RALGDS: variants seen among roughly 807,000 people sequenced by gnomAD.
RALGDS encodes the protein ral guanine nucleotide dissociation stimulator, also known as ral guanine nucleotide exchange factor.
A neutral mutation model predicts 99.8 loss-of-function variants in RALGDS; 44 were observed. That is an observed-to-expected ratio of 0.44 (90% CI 0.35 to 0.57). The LOEUF (loss-of-function observed/expected upper bound fraction) is 0.57, where lower values mean the gene tolerates loss of function less well. RALGDS is among the 20% of genes least tolerant of loss of function. The pLI, the probability that RALGDS is intolerant of heterozygous loss-of-function variation, is 0.01. For missense variants in RALGDS, 1,022 were observed against 1,203.1 expected (o/e 0.85, Z 2.23); for synonymous variants, 529 against 505.0 (o/e 1.05, Z -0.64).
intron 1 of RALGDS, among the ~76,000 whole-genome samples, chr9:133,143,530 G>T (rs990315547): frequency 1.3e-5 from 2 of 151,988 alleles, no homozygotes; most frequent in East Asian, 3.9e-4. Flanking sequence ...CGAGGCGGGG[G>T]GAATCCCTTG....
In RALGDS at chr9:133,137,000, C is replaced by T. The variant is rs138006743; in HGVS notation, c.18+11963G>A. 9.5e-3 allele frequency among the ~76,000 whole-genome samples: 1,444 copies of T among 152,004 alleles called. 21 individuals carry two copies. The highest frequency in any genetic ancestry group is 0.033 in the African/African-American group (1,363 of 41,426). The stretch of plus-strand genomic sequence containing the variant: ...CTGTAATCCCAGCACTTTGGGAGGC[C>T]GAGGCGGGCGGATCACTTGAGCTCA... On this transcript the variant is annotated intron_variant, in intron 1 of 17. Coordinates refer to the RALGDS transcript ENST00000393160.
rs560807938 is a variant in RALGDS, at chr9:133,138,622, G to A, written c.18+10341C>T. On this transcript the variant is annotated intron_variant, in intron 1 of 17. Transcript: ENST00000393160. ...GACACTCAGCCCTCCTCATGGTCAC[G>A]GCTCCGGCCTGGGCCTGGTGCTTTG... Among the ~76,000 whole-genome samples the A allele has an allele frequency of 1.1e-4, 16 of 152,278 alleles. No individual in the cohort carries two copies. The Middle Eastern group carries it at 0.017, about 162-fold the overall frequency.
In RALGDS at chr9:133,108,664, C is replaced by A; in HGVS notation, c.778+9G>T. 2 of 1,613,076 alleles carry A rather than the reference C, an allele frequency of 1.2e-6. No homozygotes were observed. Among genetic ancestry groups the A allele is most frequent in the South Asian group, 1.1e-5 (1 of 91,018 alleles). The stretch of plus-strand genomic sequence containing the variant: ...TTCACCCTCTGGCACCCACCCCAGT[C>A]CTCCTCACCCTCAGGCTCTGCCTCA... On this transcript the variant is annotated intron_variant, in intron 5 of 17. Coordinates refer to ENST00000372050, the MANE Select transcript of RALGDS (RefSeq NM_006266.4).
rs376372417 is a variant in RALGDS at position 133,109,732 on chromosome 9, C to T, written c.489-11G>A. 137 of 1,608,658 alleles carry T rather than the reference C, an allele frequency of 8.5e-5. No homozygotes were observed. The highest frequency in any genetic ancestry group is 1.0e-4 in the Non-Finnish European group (120 of 1,175,416). ...TCACATCTACCGTACCTGCTTATGA[C>T]GTCTAGTGTTACTGTCTGACTCTCC... On this transcript the variant is annotated splice_polypyrimidine_tract_variant and intron_variant, in intron 3 of 17. Coordinates refer to ENST00000372050, the MANE Select transcript of RALGDS (RefSeq NM_006266.4).
Position 133,102,170 on chromosome 9 carries a change from C to T in RALGDS, c.2010-31G>A. The T allele has an allele frequency of 4.5e-6, 7 of 1,548,712 alleles. No homozygotes were observed. In the South Asian group the frequency reaches 5.9e-5, roughly 13 times the overall value. ...TGAAGAGTTGGCTTAGTTAAGGGGG[C>T]TCCCCAAGGACACATCCCAACCCCA... On this transcript the variant is annotated intron_variant, in intron 14 of 17. Transcript: ENST00000372050.
intron 1 of RALGDS, among the ~76,000 whole-genome samples, 200 bp downstream of exon 1, chr9:133,120,772 G>A (rs987371140): frequency 3.9e-5 from 6 of 152,056 alleles, no homozygotes; most frequent in African/African-American, 1.4e-4. Context: ...TGTTGGACGG[G>A]GCGCGGCGGC....
intron 6 of RALGDS, among the ~76,000 whole-genome samples, chr9:133,107,666 G>A (rs1831140080): frequency 6.6e-6 from 1 of 152,352 alleles, no homozygotes; most frequent in East Asian, 1.9e-4. Context: ...TGAGGCTGGT[G>A]AGCCTCCTGA....
intron 1 of RALGDS, among the ~76,000 whole-genome samples, chr9:133,112,379 C>T (rs982123401): frequency 6.6e-6 from 1 of 152,134 alleles, no homozygotes; most frequent in Admixed American, 6.5e-5. Flanking sequence ...ATGATGAGTC[C>T]ACCAGGCTTC....
intron 4 of RALGDS, among the ~76,000 whole-genome samples, chr9:133,109,174 G>A (rs1280516968): frequency 6.6e-6 from 1 of 152,238 alleles, no homozygotes; most frequent in Non-Finnish European, 1.5e-5. Flanking sequence ...TTGTAGCTCA[G>A]TGCTGGTGAG....
At chr9:133,147,673 G>A (rs1187909603) in intron 1 of RALGDS, among the ~76,000 whole-genome samples, 2 of 152,144 alleles carry the variant, frequency 1.3e-5, no homozygotes, top group Non-Finnish European at 2.9e-5. Flanking sequence ...GAGTACAGTG[G>A]GCACTGCCTC....
At chr9:133,110,548 T>G in intron 2 of RALGDS, 59 bp from the exon 3 acceptor site, 1 of 1,479,608 alleles carries the variant, frequency 6.8e-7, no homozygotes, top group Non-Finnish European at 9.4e-7. Context: ...CTCCTGGAGC[T>G]CAGATGGAAC....
At chr9:133,133,842 G>C (rs1370725846), upstream of RALGDS, among the ~76,000 whole-genome samples, 2 of 152,206 alleles carry the variant, frequency 1.3e-5, no homozygotes, top group Non-Finnish European at 2.9e-5. Context: ...TTCTAGGTAG[G>C]GGCAGGCCCT....
chr9:133,102,967 G>C, intron 12 of RALGDS, 67 bp from the exon 13 acceptor site: 1 of 1,598,998 alleles, frequency 6.3e-7, no homozygotes, highest in Non-Finnish European at 8.5e-7. Flanking sequence ...CAGTCTCTGG[G>C]TCTTTGTTCT....
At chr9:133,107,058 G>C in intron 7 of RALGDS, 27 bp downstream of exon 7, 1 of 1,611,426 alleles carries the variant, frequency 6.2e-7, no homozygotes, top group Non-Finnish European at 8.5e-7. Flanking sequence ...AGCCAAAGTG[G>C]GGGCCCAGGC....
At chr9:133,140,588 C>G (rs1193961440) in intron 1 of RALGDS, among the ~76,000 whole-genome samples, 1 of 152,098 alleles carries the variant, frequency 6.6e-6, no homozygotes, top group Non-Finnish European at 1.5e-5. Flanking sequence ...TCCCGGCCCC[C>G]CTTATCCTTC....
rs556933872 is a variant in RALGDS at position 133,101,620 on chromosome 9, G to A, written c.2354C>T (p.Ser785Phe). 5 of 1,613,554 alleles carry A rather than the reference G, an allele frequency of 3.1e-6. No individual in the cohort carries two copies. Among genetic ancestry groups the A allele is most frequent in the African/African-American group, 1.3e-5 (1 of 75,080 alleles). ...GTTGTAGAGCGGCAGCGCGGAGCTG[G>A]AGTTGCAGAGCCCTGAGACAGAGCG... The part of the protein sequence containing the change: ...HKRSVSGLCN[S>F]SSALPLYNQQ... The change falls in exon 16 of 18, where the codon TCC becomes TTC. Residue 785 changes from serine (S) to phenylalanine (F), a missense_variant. Around this residue, in one of 3 missense-constraint regions of RALGDS, gnomAD observed 825 missense variants for 994.5 expected, o/e 0.83. Coordinates refer to ENST00000372050, the MANE Select transcript of RALGDS (RefSeq NM_006266.4).
rs686346 is a variant in RALGDS, at chr9:133,102,991, T to A, written c.1792-91A>T. Reference sequence around the variant, plus strand: ...GGTCTTTGTTCTTGGGGTCCCTTCCTCCCCTCTACTCCCATCCAGGCCTTC... The same window carrying A: ...GGTCTTTGTTCTTGGGGTCCCTTCCACCCCTCTACTCCCATCCAGGCCTTC... On this transcript the variant is annotated intron_variant, in intron 12 of 17. Transcript: ENST00000372050. 8 of 1,551,192 alleles carry A rather than the reference T, an allele frequency of 5.2e-6. No individual in the cohort carries two copies. In the African/African-American group the frequency reaches 1.1e-4, roughly 21 times the overall value.
intron 1 of RALGDS, among the ~76,000 whole-genome samples, chr9:133,116,103 C>G (rs1831593084): frequency 1.3e-5 from 2 of 151,718 alleles, no homozygotes; most frequent in Non-Finnish European, 1.5e-5. Flanking sequence ...GACCATGAGC[C>G]CCATCAAGGG....
rs1225531844 is a variant in RALGDS, at chr9:133,098,149, C to T, written c.*438G>A. 6.1e-5 allele frequency: 18 copies of T among 295,774 alleles called. No individual in the cohort carries two copies. The highest frequency in any genetic ancestry group is 8.5e-5 in the African/African-American group (4 of 47,044). The allele number at this position is 295,774 out of a possible 1,614,324, so 18.3% of individuals were successfully genotyped here. A position where few individuals can be genotyped will look rare whatever the true frequency, so the allele number is the denominator to read the frequency against. ...GAAAGGCTAGAGTGGTGGGAGGGGC[C>T]GGGACCCCTGCGAAGGTCACAGGCC... On this transcript the variant is annotated 3_prime_UTR_variant, in exon 18 of 18. Transcript: ENST00000372050.
Sources: allele counts gnomAD v4.1 joint callset (sites outside exome capture counted in the v4.1 genomes callset), GRCh38; gene constraint gnomAD v4.1.1; regional missense constraint gnomAD v4.1.1; transcripts MANE v1.5; gene names NCBI Gene and HGNC (gene_info 2026-07-23, HGNC 2026-07-21).